Variants in DCC observed in about 807,000 individuals in gnomAD.
DCC encodes the protein netrin receptor DCC.
A neutral mutation model predicts 172.5 loss-of-function variants in DCC; 58 were observed. The observed-to-expected ratio is 0.34, with a 90% CI of 0.27 to 0.42. The LOEUF is 0.42. Ranked by LOEUF, DCC falls within the 10% of genes least tolerant of loss-of-function variation. The pLI is 1.00. For missense variants in DCC, 1,740 were observed against 1,791.0 expected, an observed-to-expected ratio of 0.97 and a Z score of 0.51; for synonymous variants, 709 against 644.5, an observed-to-expected ratio of 1.10 and a Z score of -1.52.
At chr18:53,031,862 A>ATG (rs141598026) in intron 5 of DCC, among the ~76,000 whole-genome samples, 12 of 151,510 alleles carry the variant, frequency 7.9e-5, no homozygotes, top group Non-Finnish European at 1.0e-4. Flanking sequence ...GGGAGTGTGT[A>ATG]TGTGTGTGTG....
intron 2 of DCC, among the ~76,000 whole-genome samples, chr18:52,872,971 G>T (rs534021110): frequency 6.6e-6 from 1 of 152,070 alleles, no homozygotes; most frequent in Non-Finnish European, 1.5e-5. Flanking sequence ...ATGAAAAAAG[G>T]CTTTTAGAAA....
At chr18:52,566,505 C>A (rs2033164592) in intron 1 of DCC, among the ~76,000 whole-genome samples, 1 of 152,094 alleles carries the variant, frequency 6.6e-6, no homozygotes, top group Non-Finnish European at 1.5e-5. Context: ...TATTCCAGAA[C>A]TTAAAGAATA....
rs181538225 is a variant in DCC at position 53,393,483 on chromosome 18, A to T, written c.2688+1596A>T. On this transcript the variant is annotated intron_variant, in intron 17 of 28. Transcript: ENST00000442544. ...AGATTCAGCAGAACTATAAATAAAG[A>T]TAACATTATCAGAAAAGACAACCAA... 1.7e-3 allele frequency among the ~76,000 whole-genome samples: 252 copies of T among 152,348 alleles called. 1 individual carries two copies. The highest frequency in any genetic ancestry group is 3.1e-3 in the South Asian group (15 of 4,830).
rs189485070 is a variant in DCC, at chr18:53,252,770, C to T, written c.1911+37173C>T. 2.5e-3 allele frequency among the ~76,000 whole-genome samples: 377 copies of T among 152,092 alleles called. 2 individuals are homozygous for T. Among genetic ancestry groups the T allele is most frequent in the African/African-American group, 8.7e-3 (363 of 41,540 alleles). On this transcript the variant is annotated intron_variant, in intron 12 of 28. Transcript: ENST00000442544. ...TAAAAGACCCAATTATTGATCAAAA[C>T]AGAACAGACTAAAGCCCTAAGTTGG...
At chr18:53,046,505 A>T (rs2042239987) in intron 5 of DCC, among the ~76,000 whole-genome samples, 1 of 150,992 alleles carries the variant, frequency 6.6e-6, no homozygotes, top group Non-Finnish European at 1.5e-5. Context: ...CAGATAATTT[A>T]CTTTTTTTAG....
intron 1 of DCC, among the ~76,000 whole-genome samples, chr18:52,708,182 C>T (rs570211728): frequency 3.3e-5 from 5 of 152,262 alleles, no homozygotes; most frequent in African/African-American, 1.2e-4. Flanking sequence ...TGGCTCACGC[C>T]TGTAATCCCA....
At chr18:52,966,536 C>G (rs2040933586) in intron 5 of DCC, among the ~76,000 whole-genome samples, 3 of 152,062 alleles carry the variant, frequency 2.0e-5, no homozygotes, top group Admixed American at 1.3e-4. Context: ...CAGCTGGCTT[C>G]CAGTGGATTG....
At chr18:52,543,596 T>C (rs2032526858) in intron 1 of DCC, among the ~76,000 whole-genome samples, 1 of 152,212 alleles carries the variant, frequency 6.6e-6, no homozygotes, top group Admixed American at 6.5e-5. Flanking sequence ...TTTGGGCTGA[T>C]GGGATAATTG....
intron 27 of DCC, among the ~76,000 whole-genome samples, chr18:53,525,709 A>G (rs565172052): frequency 1.3e-5 from 2 of 152,214 alleles, no homozygotes; most frequent in East Asian, 3.9e-4. Context: ...CATTAGAACC[A>G]TTAGGACTAA....
intron 2 of DCC, chr18:52,892,677 C>A (rs965339770): frequency 6.6e-6 from 1 of 152,030 alleles, no homozygotes; most frequent in Non-Finnish European, 1.5e-5. Context: ...GCTATTATAT[C>A]ATGTTATTCT....
chr18:53,353,355 G>A (rs570884542), intron 15 of DCC, among the ~76,000 whole-genome samples: 69 of 150,820 alleles, frequency 4.6e-4, no homozygotes, highest in Non-Finnish European at 7.7e-4. Flanking sequence ...ACCCACCAAC[G>A]TTATATTCAA....
chr18:52,875,229 C>CT lies in DCC; in HGVS notation c.413-30803dup, dbSNP rs34506336. Among the ~76,000 whole-genome samples, 143 of 148,566 alleles carry CT rather than the reference C, an allele frequency of 9.6e-4. 1 individual carries two copies. Among genetic ancestry groups the CT allele is most frequent in the Admixed American group, 4.1e-3 (61 of 14,826 alleles). On this transcript the variant is annotated intron_variant, in intron 2 of 28. Coordinates refer to ENST00000442544, the MANE Select transcript of DCC (RefSeq NM_005215.4). ...AAAGTTAAAACACACAACAGCGAAA[C>CT]TTTTTTTTTTTTCTGAAAAAAGGCT...
intron 5 of DCC, among the ~76,000 whole-genome samples, chr18:53,042,504 A>T (rs1483579584): frequency 6.6e-6 from 1 of 151,996 alleles, no homozygotes; most frequent in Non-Finnish European, 1.5e-5. Context: ...TGGTATCAGG[A>T]TGATGCTGGC....
At chr18:53,463,268 C>G (rs946144282) in intron 24 of DCC, among the ~76,000 whole-genome samples, 1 of 152,118 alleles carries the variant, frequency 6.6e-6, no homozygotes, top group Non-Finnish European at 1.5e-5. Context: ...AAGTTGATAT[C>G]TCTTAATAAG....
At chr18:52,656,144 T>C (rs919287188) in intron 1 of DCC, among the ~76,000 whole-genome samples, 1 of 150,352 alleles carries the variant, frequency 6.7e-6, no homozygotes, top group Non-Finnish European at 1.5e-5. Context: ...TAGTGTGTAT[T>C]GATGCTATGG....
At chr18:53,384,889 G>A (rs933782898) in intron 15 of DCC, among the ~76,000 whole-genome samples, 2 of 150,152 alleles carry the variant, frequency 1.3e-5, no homozygotes, top group African/African-American at 4.9e-5. Flanking sequence ...GCTGTGTCGC[G>A]CAGGATGGAG....
chr18:52,914,200 AT>A (rs1196672264), intron 3 of DCC, among the ~76,000 whole-genome samples: 1 of 112,200 alleles, frequency 8.9e-6, no homozygotes, highest in Non-Finnish European at 2.1e-5. Context: ...CAGCTGCAAA[AT>A]TAAAAAAAAA....
At chr18:53,068,893 C>T (rs1023627550) in intron 7 of DCC, among the ~76,000 whole-genome samples, 2 of 151,712 alleles carry the variant, frequency 1.3e-5, no homozygotes, top group African/African-American at 4.8e-5. Flanking sequence ...AAACCTGCCC[C>T]CAGTGTCTGA....
At chr18:53,256,715 T>G (rs1309699085) in intron 12 of DCC, among the ~76,000 whole-genome samples, 3 of 152,086 alleles carry the variant, frequency 2.0e-5, no homozygotes, top group Non-Finnish European at 4.4e-5. Flanking sequence ...GGTTCCATAC[T>G]AACTTTAAAG....
Sources: gnomAD v4.1 joint callset for allele counts (sites outside exome capture counted in the v4.1 genomes callset) on GRCh38, gnomAD v4.1.1 for gene constraint, MANE v1.5 for transcripts, NCBI Gene and HGNC (gene_info 2026-07-23, HGNC 2026-07-21) for gene names.